UBXN8: variants seen among roughly 807,000 people sequenced by gnomAD.
UBXN8 encodes the protein UBX domain protein 8, also known as UBX domain-containing protein 8.
UBXN8 carries 27 observed loss-of-function variants against 32.1 expected under a neutral mutation model. That is an observed-to-expected ratio of 0.84 (90% CI 0.62 to 1.16). The LOEUF is 1.16. Ranked by LOEUF, UBXN8 falls within the 50% of genes most tolerant of loss-of-function variation. The probability of loss-of-function intolerance (pLI) is 0.00; values close to 1 mark genes in which losing one functional copy is unlikely to be tolerated. For synonymous variants in UBXN8, 109 were observed against 111.8 expected, an observed-to-expected ratio of 0.98 and a Z score of 0.16; for missense variants, 306 against 311.4, an observed-to-expected ratio of 0.98 and a Z score of 0.13.
At chr8:30,732,138 T>G (rs1804972668), upstream of UBXN8, 2 of 327,974 alleles carry the variant, frequency 6.1e-6, no homozygotes, top group Non-Finnish European at 1.1e-5. Context: ...GGACCTGGCT[T>G]CCCCAAGGGT....
chr8:30,730,234 G>T (rs111528078), upstream of UBXN8, among the ~76,000 whole-genome samples: 1 of 152,066 alleles, frequency 6.6e-6, no homozygotes, highest in Non-Finnish European at 1.5e-5. Flanking sequence ...AGAGAGCAGC[G>T]GTATACTGGA....
upstream of UBXN8, among the ~76,000 whole-genome samples, chr8:30,740,768 A>G (rs563340978): frequency 1.1e-4 from 17 of 152,112 alleles, no homozygotes; most frequent in South Asian, 2.9e-3. Flanking sequence ...ACAATCACCA[A>G]TGAGAACTAA....
chr8:30,743,728 C>A (rs561037375), upstream of UBXN8, among the ~76,000 whole-genome samples: 1 of 152,336 alleles, frequency 6.6e-6, no homozygotes, highest in South Asian at 2.1e-4. Flanking sequence ...AGACTGCGGA[C>A]GGGGCCAGGA....
chr8:30,738,425 C>T (rs1357810406), intron 1 of UBXN8, among the ~76,000 whole-genome samples: 3 of 151,678 alleles, frequency 2.0e-5, no homozygotes, highest in Admixed American at 6.6e-5. Flanking sequence ...CTCGGGAGGC[C>T]GAGGCGGGCG....
upstream of UBXN8, among the ~76,000 whole-genome samples, chr8:30,741,454 CTTT>C (rs565066061): frequency 2.6e-5 from 3 of 116,706 alleles, no homozygotes; most frequent in Admixed American, 9.3e-5. Flanking sequence ...AAGCAATGTT[CTTT>C]TTTTTTTTTT....
At position 30,756,788 on chromosome 8, in the gene UBXN8, A is replaced by G. The variant is rs1805673960; in HGVS notation, c.429A>G (p.Thr143=). ...AGGGTGATGAAGGTACAAGTCAGACATCTTTTGAAACATCAAACAGAGAAG... is the reference window on the plus strand; with the variant it reads ...AGGGTGATGAAGGTACAAGTCAGACGTCTTTTGAAACATCAAACAGAGAAG... ...KLGGDEGTSQ[T]SFETSNREAA... Residue 143 remains threonine, a synonymous_variant, in exon 5 of 8, where the codon ACA becomes ACG. Transcript: ENST00000265616. 1 of 1,614,064 alleles carries G rather than the reference A, an allele frequency of 6.2e-7. No homozygotes were observed. The highest frequency in any genetic ancestry group is 1.7e-5 in the Admixed American group (1 of 60,014).
upstream of UBXN8, among the ~76,000 whole-genome samples, chr8:30,729,209 C>T (rs1020711039): frequency 1.3e-5 from 2 of 152,242 alleles, no homozygotes; most frequent in East Asian, 3.8e-4. Context: ...GCGGATCCTG[C>T]GAGCGCTCCT....
intron 1 of UBXN8, chr8:30,744,501 A>C: frequency 1.7e-6 from 1 of 599,896 alleles, no homozygotes; most frequent in Non-Finnish European, 3.0e-6. Context: ...GGCAAAGAGC[A>C]CAGGGGCAAT....
Position 30,763,004 on chromosome 8 carries a change from G to C in UBXN8, c.571-269G>C, listed in dbSNP as rs1805896615. On this transcript the variant is annotated intron_variant, in intron 6 of 7. Coordinates refer to ENST00000265616, the MANE Select transcript of UBXN8 (RefSeq NM_005671.4). ...CCCACTTCAACCTCCCAAGTAGCTG[G>C]GACTAGAGGCGTGCACCCACATCTA... The C allele has an allele frequency of 1.0e-5, 4 of 399,336 alleles. No individual in the cohort carries two copies. In the South Asian group the frequency reaches 1.2e-4, roughly 12 times the overall value. The allele number at this position is 399,336 out of a possible 1,614,324, so 24.7% of individuals were successfully genotyped here. A position where few individuals can be genotyped will look rare whatever the true frequency, so the allele number is the denominator to read the frequency against.
chr8:30,759,048 C>T (rs1367888809), intron 5 of UBXN8, among the ~76,000 whole-genome samples: 2 of 151,576 alleles, frequency 1.3e-5, no homozygotes, highest in African/African-American at 2.4e-5. Flanking sequence ...TGCCCGCCAC[C>T]ACGCCCGGCT....
At chr8:30,751,349 T>TA (rs774013210) in intron 1 of UBXN8, 47 bp from the exon 2 acceptor site, 251 of 1,487,070 alleles carry the variant, frequency 1.7e-4, no homozygotes, top group Middle Eastern at 3.5e-4. Context: ...CCTCATCTCT[T>TA]AAAAAAAAAG....
At chr8:30,765,279 T>A (rs1805967756) in intron 7 of UBXN8, among the ~76,000 whole-genome samples, 1 of 151,944 alleles carries the variant, frequency 6.6e-6, no homozygotes, top group Admixed American at 6.6e-5. Flanking sequence ...CCATTATTTT[T>A]ATTTATTTTT....
At chr8:30,755,275 A>G (rs1185317072) in intron 4 of UBXN8, among the ~76,000 whole-genome samples, 1 of 152,070 alleles carries the variant, frequency 6.6e-6, no homozygotes, top group East Asian at 1.9e-4. Context: ...TTTAAAAGAC[A>G]GTCTCTCTCT....
chr8:30,751,539 A>ATTAT (rs1269967528), intron 2 of UBXN8, 21 bp downstream of exon 2: 1 of 1,553,322 alleles, frequency 6.4e-7, no homozygotes, highest in Non-Finnish European at 8.7e-7. Context: ...TATTTATTCT[A>ATTAT]CCCTTTTATA....
intron 6 of UBXN8, among the ~76,000 whole-genome samples, chr8:30,761,509 C>T (rs12541459): frequency 0.26 from 38,987 of 152,050 alleles, 5,482 homozygotes; most frequent in African/African-American, 0.38. Context: ...CCTCCCAAAG[C>T]GCTGGGATTA....
At chr8:30,763,074 G>T in intron 6 of UBXN8, 199 bp from the exon 7 acceptor site, 19 of 538,178 alleles carry the variant, frequency 3.5e-5, no homozygotes, top group South Asian at 1.2e-4. Context: ...TCAAACTCCT[G>T]GCCTCAAGTG....
chr8:30,754,252 A>G (rs1283504981), intron 3 of UBXN8: 3 of 340,992 alleles, frequency 8.8e-6, no homozygotes, highest in African/African-American at 4.4e-5. Context: ...AACAAAAACA[A>G]AAACAAAGGA....
intron 5 of UBXN8, among the ~76,000 whole-genome samples, chr8:30,760,450 T>A (rs1254775335): frequency 4.9e-4 from 70 of 143,960 alleles, no homozygotes; most frequent in East Asian, 2.6e-3. Context: ...TATATTTTTT[T>A]TTTTTTTTAA....
rs187283024 is a variant in UBXN8 at position 30,744,739 on chromosome 8, A to G, written c.88+462A>G. Among the ~76,000 whole-genome samples the G allele has an allele frequency of 1.3e-4, 20 of 152,246 alleles. No homozygotes were observed. In the East Asian group the frequency reaches 3.9e-3, roughly 29 times the overall value. Reference sequence around the variant, plus strand: ...GGCCTACGCCACTGCGCCCGGCCCTAGGTTTAAATAAGGGGCCACGCCCGT... The same window carrying G: ...GGCCTACGCCACTGCGCCCGGCCCTGGGTTTAAATAAGGGGCCACGCCCGT... On this transcript the variant is annotated intron_variant, in intron 1 of 7. Transcript: ENST00000265616.
Sources: gnomAD v4.1 joint callset for allele counts (sites outside exome capture counted in the v4.1 genomes callset) on GRCh38, gnomAD v4.1.1 for gene constraint, MANE v1.5 for transcripts, NCBI Gene and HGNC (gene_info 2026-07-23, HGNC 2026-07-21) for gene names.